MAGI2: variants seen among roughly 807,000 people sequenced by gnomAD.
MAGI2 encodes membrane-associated guanylate kinase, WW and PDZ domain-containing protein 2.
MAGI2 carries 35 observed loss-of-function variants against 133.3 expected under a neutral mutation model. The observed-to-expected ratio is 0.26, with a 90% confidence interval of 0.20 to 0.35. The LOEUF (loss-of-function observed/expected upper bound fraction) is 0.35. MAGI2 is among the 10% of genes least tolerant of loss of function. MAGI2 has a pLI of 1.00. For synonymous variants in MAGI2, 729 were observed against 710.6 expected (o/e 1.03, Z -0.41); for missense variants, 1,636 against 1,863.4 (o/e 0.88, Z 2.25).
At chr7:78,644,769 G>C (rs1406033203) in intron 2 of MAGI2, among the ~76,000 whole-genome samples, 1 of 150,984 alleles carries the variant, frequency 6.6e-6, no homozygotes, top group African/African-American at 2.4e-5. Context: ...AGGAAGAAAG[G>C]GAATAATAAA....
chr7:78,489,876 A>G, intron 5 of MAGI2, 36 bp from the exon 6 acceptor site: 1 of 1,481,074 alleles, frequency 6.8e-7, no homozygotes, highest in Non-Finnish European at 9.3e-7. Context: ...ACAGACACAT[A>G]CTAAAAGGAA....
At chr7:78,344,013 C>T in intron 8 of MAGI2, 53 bp from the exon 9 acceptor site, 1 of 1,545,302 alleles carries the variant, frequency 6.5e-7, no homozygotes, top group Non-Finnish European at 8.8e-7. Flanking sequence ...AAGTCAAGTT[C>T]TCAGACAAGA....
chr7:78,608,364 G>A (rs1806050945), intron 3 of MAGI2, among the ~76,000 whole-genome samples: 1 of 151,860 alleles, frequency 6.6e-6, no homozygotes, highest in Non-Finnish European at 1.5e-5. Context: ...CTGGGTATCA[G>A]TGTCCTCATA....
chr7:78,968,763 T>C (rs1803536530), intron 2 of MAGI2, among the ~76,000 whole-genome samples: 1 of 152,086 alleles, frequency 6.6e-6, no homozygotes, highest in African/African-American at 2.4e-5. Flanking sequence ...TTTCTTCTTT[T>C]AATTATTATG....
intron 3 of MAGI2, among the ~76,000 whole-genome samples, chr7:78,584,547 C>T (rs2362639): frequency 6.6e-6 from 1 of 151,358 alleles, no homozygotes; most frequent in Admixed American, 6.6e-5. Flanking sequence ...TAAAAGCTTT[C>T]TGCATGGCAT....
intron 2 of MAGI2, among the ~76,000 whole-genome samples, chr7:78,668,249 T>C (rs2151063744): frequency 6.6e-6 from 1 of 152,150 alleles, no homozygotes; most frequent in South Asian, 2.1e-4. Context: ...TGTTTGTTTT[T>C]TTCTTGTAAA....
chr7:79,311,681 C>T (rs1225583915), intron 1 of MAGI2, among the ~76,000 whole-genome samples: 1 of 152,100 alleles, frequency 6.6e-6, no homozygotes, highest in African/African-American at 2.4e-5. Flanking sequence ...GACCATTTCT[C>T]ATTAATGTCA....
intron 1 of MAGI2, among the ~76,000 whole-genome samples, chr7:79,171,326 A>G (rs2129548611): frequency 6.6e-6 from 1 of 152,084 alleles, no homozygotes; most frequent in East Asian, 1.9e-4. Flanking sequence ...TTGTGTCCAA[A>G]TCTTCCCTTT....
At chr7:78,990,032 T>C (rs1009884030) in intron 2 of MAGI2, among the ~76,000 whole-genome samples, 2 of 152,078 alleles carry the variant, frequency 1.3e-5, no homozygotes, top group African/African-American at 2.4e-5. Context: ...AAAATACATG[T>C]TTGTTTCCTT....
At chr7:78,684,212 A>T (rs1816016676) in intron 2 of MAGI2, among the ~76,000 whole-genome samples, 1 of 152,152 alleles carries the variant, frequency 6.6e-6, no homozygotes. Flanking sequence ...TTCTCCAAAC[A>T]TATTTCATCT....
intron 1 of MAGI2, among the ~76,000 whole-genome samples, chr7:79,394,129 G>A (rs930691939): frequency 9.2e-5 from 14 of 152,152 alleles, no homozygotes; most frequent in African/African-American, 3.1e-4. Context: ...GAAGTAGCCC[G>A]GCACCTCACC....
intron 3 of MAGI2, among the ~76,000 whole-genome samples, chr7:78,567,680 TG>T (rs1801088232): frequency 2.0e-5 from 3 of 152,170 alleles, no homozygotes; most frequent in Admixed American, 1.3e-4. Flanking sequence ...CTCTTTCCCC[TG>T]CATCGCCAGT....
chr7:78,800,526 T>A (rs1401163981), intron 2 of MAGI2, among the ~76,000 whole-genome samples: 2 of 152,180 alleles, frequency 1.3e-5, no homozygotes, highest in Non-Finnish European at 2.9e-5. Flanking sequence ...ATATTCCTTA[T>A]AACTAGCAAT....
intron 2 of MAGI2, among the ~76,000 whole-genome samples, chr7:78,657,299 G>A (rs1197540492): frequency 6.6e-6 from 1 of 152,150 alleles, no homozygotes; most frequent in Non-Finnish European, 1.5e-5. Context: ...CTCTTAGCAT[G>A]TGATCTAGCA....
intron 1 of MAGI2, among the ~76,000 whole-genome samples, chr7:79,189,812 G>A (rs893679712): frequency 1.3e-5 from 2 of 151,512 alleles, no homozygotes; most frequent in African/African-American, 4.9e-5. Context: ...GACAACCATG[G>A]ATCTTTTTAC....
At chr7:78,667,207 A>G (rs1302936609) in intron 2 of MAGI2, among the ~76,000 whole-genome samples, 4 of 151,800 alleles carry the variant, frequency 2.6e-5, no homozygotes, top group Non-Finnish European at 4.4e-5. Context: ...CACAACACAG[A>G]TCTCTCATGT....
chr7:78,439,402 T>C (rs1243038168), intron 6 of MAGI2, among the ~76,000 whole-genome samples: 1 of 152,150 alleles, frequency 6.6e-6, no homozygotes, highest in African/African-American at 2.4e-5. Flanking sequence ...AGTAATTTTA[T>C]GTACAGCAGG....
chr7:78,648,629 A>G (rs905474364), intron 2 of MAGI2, among the ~76,000 whole-genome samples: 1 of 152,216 alleles, frequency 6.6e-6, no homozygotes, highest in Non-Finnish European at 1.5e-5. Context: ...TTAAATCAGA[A>G]TTTGGGGGTT....
chr7:79,214,783 A>G (rs1829873386), intron 1 of MAGI2, among the ~76,000 whole-genome samples: 1 of 141,838 alleles, frequency 7.1e-6, no homozygotes, highest in African/African-American at 2.6e-5. Flanking sequence ...TAATATAAAA[A>G]TATATATTAA....
Sources: allele counts gnomAD v4.1 joint callset (sites outside exome capture counted in the v4.1 genomes callset), GRCh38; gene constraint gnomAD v4.1.1; transcripts MANE v1.5; gene names NCBI Gene and HGNC (gene_info 2026-07-23, HGNC 2026-07-21).